The following ROR2 variants were observed in gnomAD, a reference collection of about 807,000 sequenced individuals.
ROR2 encodes the protein tyrosine-protein kinase transmembrane receptor ROR2.
A neutral mutation model predicts 74.9 loss-of-function variants in ROR2; 33 were observed. That is an observed-to-expected ratio of 0.44 (90% CI 0.33 to 0.59). The LOEUF is 0.59. Among genes scored for constraint, ROR2 ranks in the 20% least tolerant of loss-of-function variants. ROR2 has a pLI of 0.02. For synonymous variants in ROR2, 586 were observed against 558.7 expected, an observed-to-expected ratio of 1.05 and a Z score of -0.69; for missense variants, 1,216 against 1,313.8, an observed-to-expected ratio of 0.93 and a Z score of 1.15.
At chr9:91,847,017 A>C (rs1232045414) in intron 1 of ROR2, among the ~76,000 whole-genome samples, 1 of 152,088 alleles carries the variant, frequency 6.6e-6, no homozygotes, top group African/African-American at 2.4e-5. Flanking sequence ...CAGACATCAC[A>C]AGCTGAGGGA....
chr9:91,810,008 C>T (rs4744104), intron 1 of ROR2, among the ~76,000 whole-genome samples: 18,549 of 152,254 alleles, frequency 0.12, 2,028 homozygotes, highest in East Asian at 0.31. Context: ...AGACCCCACA[C>T]AGGCTGCTCA....
In ROR2 at chr9:91,841,273, G is replaced by A. The variant is rs1828774740; in HGVS notation, c.98-65455C>T. 2.0e-5 allele frequency among the ~76,000 whole-genome samples: 3 copies of A among 152,216 alleles called. No individual in the cohort carries two copies. In the South Asian group the frequency reaches 6.2e-4, roughly 32 times the overall value. On this transcript the variant is annotated intron_variant, in intron 1 of 8. Transcript: ENST00000375708. ...ACATTAATAAATACATGAGTCCACG[G>A]AAAACTCAACATTTTCTAGAGTTTG... is the stretch of plus-strand genomic sequence containing the variant.
intron 1 of ROR2, among the ~76,000 whole-genome samples, chr9:91,833,457 A>G (rs572639160): frequency 1.6e-4 from 24 of 152,162 alleles, no homozygotes; most frequent in Non-Finnish European, 3.5e-4. Flanking sequence ...CGCTCAAGTC[A>G]AATCTCTTGA....
intron 1 of ROR2, among the ~76,000 whole-genome samples, chr9:91,826,552 C>CG (rs1205139242): frequency 6.6e-6 from 1 of 152,054 alleles, no homozygotes; most frequent in Non-Finnish European, 1.5e-5. Context: ...GAGGCTGAGG[C>CG]GGGCGGATCA....
At chr9:91,882,900 G>A (rs1830158392) in intron 1 of ROR2, among the ~76,000 whole-genome samples, 1 of 152,180 alleles carries the variant, frequency 6.6e-6, no homozygotes, top group Non-Finnish European at 1.5e-5. Flanking sequence ...CTGGGAGAAA[G>A]TAAATGCCTG....
chr9:91,847,239 A>G (rs1828960174), intron 1 of ROR2, among the ~76,000 whole-genome samples: 1 of 152,188 alleles, frequency 6.6e-6, no homozygotes. Flanking sequence ...ACTTAGAACC[A>G]GAAAGACGGG....
chr9:91,757,216 C>A (rs934463261), intron 3 of ROR2, 56 bp downstream of exon 3: 1 of 1,608,622 alleles, frequency 6.2e-7, no homozygotes, highest in South Asian at 1.1e-5. Flanking sequence ...ACCTCTTGCT[C>A]GGTGGCTGGG....
intron 2 of ROR2, among the ~76,000 whole-genome samples, chr9:91,762,239 A>T (rs762944143): frequency 1.6e-4 from 25 of 152,206 alleles, no homozygotes; most frequent in Non-Finnish European, 3.2e-4. Flanking sequence ...TACCCGGATA[A>T]GAGAGAATGA....
chr9:91,730,169 C>G lies in ROR2; in HGVS notation c.1183+741G>C, dbSNP rs150441048. On this transcript the variant is annotated intron_variant, in intron 7 of 8. Coordinates refer to ENST00000375708, the MANE Select transcript of ROR2 (RefSeq NM_004560.4). ...TGTTGCTCAGACTGGTTTCAAGCTCCTGGGTTCAAGAGATCCACCCGTCTT... is the reference window on the plus strand; with the variant it reads ...TGTTGCTCAGACTGGTTTCAAGCTCGTGGGTTCAAGAGATCCACCCGTCTT... Among the ~76,000 whole-genome samples, 1,207 of 152,220 alleles carry G rather than the reference C, an allele frequency of 7.9e-3. 17 individuals carry two copies. The highest frequency in any genetic ancestry group is 0.028 in the African/African-American group (1,145 of 41,508).
chr9:91,849,278 A>C (rs1267816061), intron 1 of ROR2, among the ~76,000 whole-genome samples: 1 of 152,232 alleles, frequency 6.6e-6, no homozygotes, highest in African/African-American at 2.4e-5. Context: ...AACATGGAGA[A>C]TCAATCCAGG....
At chr9:91,793,064 G>A (rs544481571) in intron 1 of ROR2, among the ~76,000 whole-genome samples, 2 of 152,262 alleles carry the variant, frequency 1.3e-5, no homozygotes, top group South Asian at 4.1e-4. Context: ...CTTATTCTAT[G>A]AGGTCAGTAT....
At chr9:91,824,759 C>A (rs546656193) in intron 1 of ROR2, among the ~76,000 whole-genome samples, 2 of 152,194 alleles carry the variant, frequency 1.3e-5, no homozygotes, top group Non-Finnish European at 2.9e-5. Flanking sequence ...ACACACAGCT[C>A]TCCCAGGCGG....
chr9:91,876,574 T>C (rs1829961427), intron 1 of ROR2, among the ~76,000 whole-genome samples: 1 of 151,914 alleles, frequency 6.6e-6, no homozygotes, highest in African/African-American at 2.4e-5. Context: ...AAGCTCCCAA[T>C]ATGAAACAGA....
intron 2 of ROR2, among the ~76,000 whole-genome samples, chr9:91,775,107 G>A (rs1228593393): frequency 6.6e-6 from 1 of 152,218 alleles, no homozygotes. Flanking sequence ...CCAGCCTCCA[G>A]AACTAGGAAG....
At chr9:91,897,190 G>T (rs1462067557) in intron 1 of ROR2, among the ~76,000 whole-genome samples, 2 of 152,220 alleles carry the variant, frequency 1.3e-5, no homozygotes, top group Non-Finnish European at 2.9e-5. Flanking sequence ...GGAAAGGCTG[G>T]GAGTTTTCGA....
At chr9:91,900,356 A>G (rs1242764915) in intron 1 of ROR2, among the ~76,000 whole-genome samples, 1 of 152,210 alleles carries the variant, frequency 6.6e-6, no homozygotes, top group Admixed American at 6.5e-5. Flanking sequence ...AAGATGGTCA[A>G]TGACAGCGGC....
chr9:91,912,748 ATT>A (rs749087869), intron 1 of ROR2, among the ~76,000 whole-genome samples: 1 of 152,222 alleles, frequency 6.6e-6, no homozygotes, highest in South Asian at 2.1e-4. Context: ...ATATTTTAAT[ATT>A]GTTTCCCTTA....
At chr9:91,880,394 T>C (rs1020417792) in intron 1 of ROR2, among the ~76,000 whole-genome samples, 19 of 152,216 alleles carry the variant, frequency 1.2e-4, no homozygotes, top group Non-Finnish European at 7.3e-5. Flanking sequence ...TAATAAAATA[T>C]ATTTAAAGCA....
At chr9:91,859,832 C>G (rs1401973032) in intron 1 of ROR2, among the ~76,000 whole-genome samples, 1 of 152,000 alleles carries the variant, frequency 6.6e-6, no homozygotes, top group Non-Finnish European at 1.5e-5. Flanking sequence ...CTCAAACAAA[C>G]AAACAAACAA....
Sources: gnomAD v4.1 joint callset for allele counts (sites outside exome capture counted in the v4.1 genomes callset) on GRCh38, gnomAD v4.1.1 for gene constraint, MANE v1.5 for transcripts, NCBI Gene and HGNC (gene_info 2026-07-23, HGNC 2026-07-21) for gene names.